Variants in ULK4 observed in about 807,000 individuals in gnomAD.
The protein encoded by ULK4 is inactive serine/threonine-protein kinase ULK4.
A neutral mutation model predicts 160.6 loss-of-function variants in ULK4; 133 were observed. That is an observed-to-expected ratio of 0.83 (90% CI 0.72 to 0.96). ULK4 has a LOEUF of 0.96. Ranked by LOEUF, ULK4 falls within the 40% of genes least tolerant of loss-of-function variation. The probability of loss-of-function intolerance (pLI) is 0.00; values close to 1 mark genes in which losing one functional copy is unlikely to be tolerated. For missense variants in ULK4, 1,580 were observed against 1,499.5 expected (o/e 1.05, Z -0.89); for synonymous variants, 534 against 539.8 (o/e 0.99, Z 0.15).
At chr3:41,330,232 G>A (rs940056515) in intron 35 of ULK4, among the ~76,000 whole-genome samples, 4 of 152,108 alleles carry the variant, frequency 2.6e-5, no homozygotes, top group Admixed American at 6.5e-5. Flanking sequence ...CTATTCGCTT[G>A]CCTCCTCTCC....
chr3:41,905,694 G>A (rs1698528413), intron 12 of ULK4, among the ~76,000 whole-genome samples: 3 of 152,026 alleles, frequency 2.0e-5, no homozygotes, highest in Admixed American at 1.3e-4. Flanking sequence ...AAAGAAAATA[G>A]ACAAAATGGC....
At chr3:41,503,318 C>A (rs947405904) in intron 32 of ULK4, among the ~76,000 whole-genome samples, 4 of 152,200 alleles carry the variant, frequency 2.6e-5, no homozygotes, top group African/African-American at 9.7e-5. Flanking sequence ...TCTCAGCAAG[C>A]TGGACATCAC....
intron 33 of ULK4, among the ~76,000 whole-genome samples, chr3:41,461,670 T>C (rs1466441350): frequency 3.9e-5 from 6 of 152,050 alleles, no homozygotes; most frequent in Admixed American, 3.9e-4. Flanking sequence ...TATTAAGGAG[T>C]TTCCTTTCAA....
intron 32 of ULK4, among the ~76,000 whole-genome samples, chr3:41,512,926 G>C (rs2085635463): frequency 6.6e-6 from 1 of 152,110 alleles, no homozygotes; most frequent in East Asian, 1.9e-4. Context: ...TATAAAAATA[G>C]GCACATAGAC....
At chr3:41,747,457 C>G (rs1437893020) in intron 22 of ULK4, among the ~76,000 whole-genome samples, 3 of 151,734 alleles carry the variant, frequency 2.0e-5, no homozygotes, top group African/African-American at 7.3e-5. Flanking sequence ...AGACTTGGAA[C>G]CTATTTATAC....
At chr3:41,515,250 C>G (rs1196555542) in intron 32 of ULK4, among the ~76,000 whole-genome samples, 1 of 150,678 alleles carries the variant, frequency 6.6e-6, no homozygotes, top group Admixed American at 6.6e-5. Context: ...GAGTGAGACT[C>G]CATCTCAAAA....
chr3:41,488,260 G>A (rs886541973), intron 32 of ULK4, among the ~76,000 whole-genome samples: 22 of 152,162 alleles, frequency 1.4e-4, no homozygotes, highest in African/African-American at 5.3e-4. Flanking sequence ...TTTACACACA[G>A]TATGTTTACA....
chr3:41,359,768 A>G (rs1213925287), intron 35 of ULK4, among the ~76,000 whole-genome samples: 1 of 152,228 alleles, frequency 6.6e-6, no homozygotes, highest in Non-Finnish European at 1.5e-5. Context: ...CATATACAAA[A>G]ATCAACTCAA....
intron 20 of ULK4, among the ~76,000 whole-genome samples, chr3:41,792,973 G>C (rs2040194530): frequency 6.6e-6 from 1 of 152,206 alleles, no homozygotes. Flanking sequence ...AGGAGTTTCA[G>C]GCCAGCCTGG....
At chr3:41,385,561 C>G (rs2081787317) in intron 35 of ULK4, among the ~76,000 whole-genome samples, 1 of 152,264 alleles carries the variant, frequency 6.6e-6, no homozygotes, top group East Asian at 1.9e-4. Flanking sequence ...CATATCACAA[C>G]TTGGTATGCA....
intron 35 of ULK4, among the ~76,000 whole-genome samples, chr3:41,344,474 G>A (rs755010024): frequency 1.2e-4 from 18 of 151,860 alleles, no homozygotes; most frequent in East Asian, 9.7e-4. Flanking sequence ...AAAATTGCCC[G>A]GGTGAGGTGG....
intron 17 of ULK4, among the ~76,000 whole-genome samples, chr3:41,846,902 T>C (rs1050182510): frequency 5.9e-5 from 9 of 151,876 alleles, no homozygotes; most frequent in South Asian, 4.1e-4. Flanking sequence ...TTGAAAACCA[T>C]ACATGAAGGA....
chr3:41,906,761 G>A (rs1035445529), intron 12 of ULK4, among the ~76,000 whole-genome samples: 9 of 152,174 alleles, frequency 5.9e-5, no homozygotes, highest in South Asian at 2.1e-4. Flanking sequence ...ATGGGAGGCC[G>A]AGGCGGGCAG....
At chr3:41,827,125 C>G (rs1357729396) in intron 18 of ULK4, among the ~76,000 whole-genome samples, 2 of 144,968 alleles carry the variant, frequency 1.4e-5, no homozygotes, top group Admixed American at 1.4e-4. Flanking sequence ...AACAAAGACA[C>G]AACATACCAG....
chr3:41,499,947 TGTTTTC>T (rs2085134496), intron 32 of ULK4, among the ~76,000 whole-genome samples: 1 of 152,220 alleles, frequency 6.6e-6, no homozygotes. Context: ...TATTTTTCTA[TGTTTTC>T]AAATTTACTG....
At chr3:41,834,765 C>T (rs1180455062) in intron 18 of ULK4, among the ~76,000 whole-genome samples, 1 of 152,168 alleles carries the variant, frequency 6.6e-6, no homozygotes, top group Non-Finnish European at 1.5e-5. Flanking sequence ...CAATTACAGT[C>T]ATGTACAGTG....
intron 17 of ULK4, among the ~76,000 whole-genome samples, chr3:41,864,778 G>A (rs947257576): frequency 1.3e-5 from 2 of 152,110 alleles, no homozygotes; most frequent in African/African-American, 4.8e-5. Context: ...TTTTCTTCCT[G>A]TTATAGTGGA....
intron 27 of ULK4, among the ~76,000 whole-genome samples, chr3:41,702,445 C>T (rs1446332441): frequency 6.6e-6 from 1 of 152,002 alleles, no homozygotes; most frequent in African/African-American, 2.4e-5. Context: ...CCGCCTGGCC[C>T]AGACAAATTA....
intron 19 of ULK4, among the ~76,000 whole-genome samples, chr3:41,810,379 C>T (rs1229097626): frequency 6.6e-6 from 1 of 152,160 alleles, no homozygotes; most frequent in Admixed American, 6.6e-5. Context: ...AGTTTTCCCT[C>T]ATCTAGGGTT....
Sources: gnomAD v4.1 joint callset for allele counts (sites outside exome capture counted in the v4.1 genomes callset) on GRCh38, gnomAD v4.1.1 for gene constraint, MANE v1.5 for transcripts, NCBI Gene and HGNC (gene_info 2026-07-23, HGNC 2026-07-21) for gene names.